The following IL21 variants were observed in gnomAD, a reference collection of about 807,000 sequenced individuals.
IL21 encodes the protein interleukin 21.
Under a neutral mutation model 18.4 loss-of-function variants are expected in IL21, and 3 were observed. That is an observed-to-expected ratio of 0.16 (90% CI 0.07 to 0.42). The LOEUF is 0.42. IL21 is among the 10% of genes least tolerant of loss of function. The probability of loss-of-function intolerance (pLI) is 0.99; values close to 1 mark genes in which losing one functional copy is unlikely to be tolerated. For synonymous variants in IL21, 37 were observed against 62.0 expected, an observed-to-expected ratio of 0.60 and a Z score of 1.90; for missense variants, 130 against 188.4, an observed-to-expected ratio of 0.69 and a Z score of 1.81.
Position 122,612,468 on chromosome 4 carries a change from A to G in IL21, c.*242T>C, listed in dbSNP as rs1362456303. ...TTAAAAATTTTAGCCTTCTCCTTCAACCAAGAAATGTCAAAGTTGGGCAGT... is the reference window on the plus strand; with the variant it reads ...TTAAAAATTTTAGCCTTCTCCTTCAGCCAAGAAATGTCAAAGTTGGGCAGT... On this transcript the variant is annotated 3_prime_UTR_variant, in exon 5 of 5. Transcript: ENST00000648588. Among the ~76,000 whole-genome samples, 5 of 152,136 alleles carry G rather than the reference A, an allele frequency of 3.3e-5. No individual in the cohort carries two copies. Among genetic ancestry groups the G allele is most frequent in the Admixed American group, 3.3e-4 (5 of 15,264 alleles).
chr4:122,618,446 A>AT (rs1191540086), intron 2 of IL21, among the ~76,000 whole-genome samples: 1 of 151,918 alleles, frequency 6.6e-6, no homozygotes, highest in Admixed American at 6.6e-5. Flanking sequence ...CTATTTTTAC[A>AT]TTTTTTTCCT....
chr4:122,619,394 A>G (rs1578438822), intron 2 of IL21: 1 of 152,204 alleles, frequency 6.6e-6, no homozygotes, highest in African/African-American at 2.4e-5. Context: ...ATACAGTATC[A>G]CGGAGACAAA....
rs36116823 is a variant in IL21 at position 122,612,728 on chromosome 4, G to A, written c.471C>T (p.His157=). The change falls in exon 5 of 5, where the codon CAC becomes CAT. Residue 157 remains histidine, a synonymous_variant. Coordinates refer to ENST00000648588, the MANE Select transcript of IL21 (RefSeq NM_021803.4). ...TAGATCCTCAGGAATCTTCACTTCC[G>A]TGTGTTCTAGAGGACAGATGCTGAT... The part of the protein sequence containing the change: ...MIHQHLSSRT[H]GSEDS 1.5e-4 allele frequency: 245 copies of A among 1,611,982 alleles called. 1 individual carries two copies. In the African/African-American group the frequency reaches 2.4e-3, roughly 16 times the overall value.
At chr4:122,619,889 C>T (rs2150689104) in intron 2 of IL21, 1 of 152,312 alleles carries the variant, frequency 6.6e-6, no homozygotes, top group African/African-American at 2.4e-5. Flanking sequence ...TTACTGGTAG[C>T]ACTTTTAGTT....
intron 2 of IL21, chr4:122,620,305 A>T (rs1053986777): frequency 1.2e-5 from 2 of 168,926 alleles, no homozygotes; most frequent in Non-Finnish European, 2.5e-5. Context: ...TACTGTATGT[A>T]TCTATGTTTC....
chr4:122,611,126 G>T lies in IL21; in HGVS notation c.*1584C>A, dbSNP rs777920876. ...ATTCCATCTTTCTCACTATCTTTGT[G>T]CCTGCTTCCACATTTTGTCACAACA... On this transcript the variant is annotated 3_prime_UTR_variant, in exon 5 of 5. Coordinates refer to ENST00000648588, the MANE Select transcript of IL21 (RefSeq NM_021803.4). 6.6e-6 allele frequency among the ~76,000 whole-genome samples: 1 copy of T among 152,138 alleles called. No individual in the cohort carries two copies. Among genetic ancestry groups the T allele is most frequent in the Non-Finnish European group, 1.5e-5 (1 of 68,016 alleles).
chr4:122,619,256 T>C (rs1446786394), intron 2 of IL21: 1 of 152,248 alleles, frequency 6.6e-6, no homozygotes, highest in Admixed American at 6.5e-5. Context: ...TAGCTTGATA[T>C]AATGCTAATG....
rs183423273 is a variant in IL21 at position 122,614,256 on chromosome 4, T to A, written c.361-1328A>T. ...TACCACTTCATGAGTTTCAAAAATA[T>A]GTTCAGCTCCTTTCTTTCTGAGGAA... On this transcript the variant is annotated intron_variant, in intron 3 of 4. Transcript: ENST00000648588. Among the ~76,000 whole-genome samples, 200 of 152,302 alleles carry A rather than the reference T, an allele frequency of 1.3e-3. 1 individual carries two copies. The highest frequency in any genetic ancestry group is 3.4e-3 in the Middle Eastern group (1 of 294).
In IL21 at chr4:122,611,979, A is replaced by G. The variant is rs1353072531; in HGVS notation, c.*731T>C. 1.3e-5 allele frequency among the ~76,000 whole-genome samples: 2 copies of G among 152,086 alleles called. No homozygotes were observed. The highest frequency in any genetic ancestry group is 2.9e-5 in the Non-Finnish European group (2 of 67,974). On this transcript the variant is annotated 3_prime_UTR_variant, in exon 5 of 5. Transcript: ENST00000648588. ...TCTATAGGTTTAAATTGCCATTTCCACAAGCTTAAAATGTTAGCTTATAAG... is the reference window on the plus strand; with the variant it reads ...TCTATAGGTTTAAATTGCCATTTCCGCAAGCTTAAAATGTTAGCTTATAAG...
In IL21 at chr4:122,617,857, G is replaced by A. The variant is rs45576133; in HGVS notation, c.205-2020C>T. Among the ~76,000 whole-genome samples the A allele has an allele frequency of 3.4e-3, 518 of 152,286 alleles. 3 individuals carry two copies. The highest frequency in any genetic ancestry group is 4.4e-3 in the Non-Finnish European group (297 of 68,032). On this transcript the variant is annotated intron_variant, in intron 2 of 4. Coordinates refer to ENST00000648588, the MANE Select transcript of IL21 (RefSeq NM_021803.4). ...GCACATCAAAGGCAGCCTCAAAAGA[G>A]GAAAAGAAGTAGAGGGCTGTCGCCA...
chr4:122,610,674 A>G lies in IL21; in HGVS notation c.*2036T>C, dbSNP rs954718152. 6.6e-6 allele frequency among the ~76,000 whole-genome samples: 1 copy of G among 152,248 alleles called. No individual in the cohort carries two copies. Among genetic ancestry groups the G allele is most frequent in the Non-Finnish European group, 1.5e-5 (1 of 68,048 alleles). Reference sequence around the variant, plus strand: ...AACCCAAAGAGTTTAAACAGTGACCACTATTTCATAGTCAACAAAATTTCA... The same window carrying G: ...AACCCAAAGAGTTTAAACAGTGACCGCTATTTCATAGTCAACAAAATTTCA... On this transcript the variant is annotated 3_prime_UTR_variant, in exon 5 of 5. Coordinates refer to ENST00000648588, the MANE Select transcript of IL21 (RefSeq NM_021803.4).
At chr4:122,615,148 G>T (rs1168208921) in intron 3 of IL21, among the ~76,000 whole-genome samples, 1 of 152,152 alleles carries the variant, frequency 6.6e-6, no homozygotes, top group African/African-American at 2.4e-5. Flanking sequence ...CAGCTGCCAA[G>T]GACTACTAGG....
intron 2 of IL21, among the ~76,000 whole-genome samples, chr4:122,616,771 A>G (rs745445984): frequency 6.6e-6 from 1 of 152,226 alleles, no homozygotes; most frequent in Non-Finnish European, 1.5e-5. Flanking sequence ...ACTTGTTGAA[A>G]AATTTTAATG....
At chr4:122,617,690 G>T (rs1799358447) in intron 2 of IL21, among the ~76,000 whole-genome samples, 1 of 152,258 alleles carries the variant, frequency 6.6e-6, no homozygotes, top group Middle Eastern at 3.4e-3. Context: ...ATATTGATGG[G>T]GCTGTGCTTC....
chr4:122,615,051 G>T (rs941321713), intron 3 of IL21, among the ~76,000 whole-genome samples: 1 of 152,154 alleles, frequency 6.6e-6, no homozygotes, highest in Non-Finnish European at 1.5e-5. Context: ...GTGACCATAT[G>T]AGAGGAAATA....
In IL21 at chr4:122,612,686, A is replaced by G. The variant is rs1799277333; in HGVS notation, c.*24T>C. ...ACTACTATATTAGAGTATGTAACAT[A>G]GTGTCCAACTGCAAGTTAGATCCTC... On this transcript the variant is annotated 3_prime_UTR_variant, in exon 5 of 5. Transcript: ENST00000648588. The G allele has an allele frequency of 6.7e-7, 1 of 1,482,434 alleles. No homozygotes were observed. The highest frequency in any genetic ancestry group is 1.4e-5 in the African/African-American group (1 of 72,238). 91.8% of individuals were successfully genotyped at this position (1,482,434 alleles called of 1,614,324 possible).
At chr4:122,616,267 G>A (rs995317052) in intron 2 of IL21, among the ~76,000 whole-genome samples, 1 of 152,166 alleles carries the variant, frequency 6.6e-6, no homozygotes, top group Non-Finnish European at 1.5e-5. Context: ...TGTGGTTTCT[G>A]TTAATGTATC....
rs1244558772 is a variant in IL21 at position 122,612,947 on chromosome 4, G to A, written c.361-19C>T. On this transcript the variant is annotated intron_variant, in intron 3 of 4. Coordinates refer to ENST00000648588, the MANE Select transcript of IL21 (RefSeq NM_021803.4). ...GGCATGTCTAGAAATCAATGAAAAA[G>A]TAACAGTCTTCTTTAAAATTTTTTT... The A allele has an allele frequency of 6.8e-7, 1 of 1,461,144 alleles. No individual in the cohort carries two copies. The highest frequency in any genetic ancestry group is 2.2e-5 in the Admixed American group (1 of 45,768). 90.5% of individuals were successfully genotyped at this position (1,461,144 alleles called of 1,614,324 possible). A position where few individuals can be genotyped will look rare whatever the true frequency, so the allele number is the denominator to read the frequency against.
Position 122,611,660 on chromosome 4 carries a change from G to T in IL21, c.*1050C>A, listed in dbSNP as rs1799264921. ...AAGTCTGTTTTCAACTTGGACAGGA[G>T]TCCTGGCCTCTTGGTTTGTCTCCTG... On this transcript the variant is annotated 3_prime_UTR_variant, in exon 5 of 5. Transcript: ENST00000648588. Among the ~76,000 whole-genome samples, 1 of 152,166 alleles carries T rather than the reference G, an allele frequency of 6.6e-6. No homozygotes were observed. Among genetic ancestry groups the T allele is most frequent in the Non-Finnish European group, 1.5e-5 (1 of 68,026 alleles).
Sources: allele counts gnomAD v4.1 joint callset (sites outside exome capture counted in the v4.1 genomes callset), GRCh38; gene constraint gnomAD v4.1.1; transcripts MANE v1.5; gene names NCBI Gene and HGNC (gene_info 2026-07-23, HGNC 2026-07-21).